CARNS1: variants seen among roughly 807,000 people sequenced by gnomAD.
CARNS1 encodes carnosine synthase 1.
CARNS1 carries 61 observed loss-of-function variants against 74.0 expected under a neutral mutation model. The ratio of observed to expected loss-of-function variants is 0.82; its 90% CI spans 0.67 to 1.02. The LOEUF is 1.02. CARNS1 is among the 50% of genes least tolerant of loss of function. The probability of loss-of-function intolerance (pLI) is 0.00; values close to 1 mark genes in which losing one functional copy is unlikely to be tolerated. For synonymous variants in CARNS1, 568 were observed against 605.5 expected, an observed-to-expected ratio of 0.94 and a Z score of 0.91; for missense variants, 1,278 against 1,308.4, an observed-to-expected ratio of 0.98 and a Z score of 0.36.
At position 67,423,344 on chromosome 11, in the gene CARNS1, C is replaced by T. The variant is rs369564307; in HGVS notation, c.1627-31C>T. On this transcript the variant is annotated intron_variant, in intron 9 of 9. Transcript: ENST00000687366. The surrounding 1 kb of genome is among the most constrained non-coding windows in gnomAD (Gnocchi z 5.1). ...CCCCTAGCACCCAGTACTAGCTGAC[C>T]TGGATATGCCCCACCCTGTGGCTTC... 19 of 1,575,950 alleles carry T rather than the reference C, an allele frequency of 1.2e-5. No individual in the cohort carries two copies. Among genetic ancestry groups the T allele is most frequent in the Non-Finnish European group, 1.6e-5 (19 of 1,157,422 alleles).
Position 67,420,695 on chromosome 11 carries a change from C to A in CARNS1, c.1200C>A (p.Cys400Ter), listed in dbSNP as rs1590960172. The change falls in exon 8 of 10, where the codon TGC (cysteine) becomes TGA (stop). Residue 400 changes from cysteine (C) to a stop codon, truncating the protein, a stop_gained. Coordinates refer to ENST00000687366, the MANE Select transcript of CARNS1 (RefSeq NM_001166222.2). LOFTEE classifies it high-confidence loss of function. Reference protein sequence around the residue: ...PRTLEVALAQCGLGEEAQVAA... With the variant: ...PRTLEVALAQ ...CGCTGGAGGTGGCGCTGGCCCAGTG[C>A]GGCCTGGGCGAGGAGGCGCAGGTGG... The A allele has an allele frequency of 7.9e-7, 1 of 1,265,686 alleles. No individual in the cohort carries two copies. 78.4% of individuals were successfully genotyped at this position (1,265,686 alleles called of 1,614,324 possible). A position where few individuals can be genotyped will look rare whatever the true frequency, so the allele number is the denominator to read the frequency against.
In CARNS1 at chr11:67,417,496, C is replaced by T; in HGVS notation, c.93C>T (p.Gly31=). 1 of 1,445,056 alleles carries T rather than the reference C, an allele frequency of 6.9e-7. No homozygotes were observed. The highest frequency in any genetic ancestry group is 9.1e-7 in the Non-Finnish European group (1 of 1,102,142). The allele number at this position is 1,445,056 out of a possible 1,614,324, so 89.5% of individuals were successfully genotyped here. ...EEEGPWGGGS[G]LPPTGCFPGS... ...AGGGCCCCTGGGGAGGGGGCTCTGGCCTGCCGCCCACAGGCTGCTTCCCTG... is the reference window on the plus strand; with the variant it reads ...AGGGCCCCTGGGGAGGGGGCTCTGGTCTGCCGCCCACAGGCTGCTTCCCTG... Residue 31 remains glycine (G), a synonymous_variant, in exon 3 of 10, where the codon GGC becomes GGT. Transcript: ENST00000687366.
At chr11:67,420,115 C>T (rs35876769) in intron 7 of CARNS1, among the ~76,000 whole-genome samples, 7,002 of 152,264 alleles carry the variant, frequency 0.046, 212 homozygotes, top group East Asian at 0.11. Context: ...TCCCAGAGAG[C>T]TCTTGCCCAC....
In CARNS1 at chr11:67,417,651, A is replaced by G. The variant is rs1466969968; in HGVS notation, c.248A>G (p.Gln83Arg). ...CLQQAGLPET[Q>R]DRGQVPRTGC... Reference sequence around the variant, plus strand: ...CAGCAAGCTGGCCTTCCGGAGACTCAGGACCGCGGCCAGGTGCCCCGCACA... The same window carrying G: ...CAGCAAGCTGGCCTTCCGGAGACTCGGGACCGCGGCCAGGTGCCCCGCACA... The change falls in exon 3 of 10, where the codon CAG (glutamine) becomes CGG (arginine). Residue 83 changes from glutamine (Q) to arginine (R), a missense_variant. Transcript: ENST00000687366. The G allele has an allele frequency of 1.5e-5, 19 of 1,268,334 alleles. No homozygotes were observed. The highest frequency in any genetic ancestry group is 1.9e-5 in the Non-Finnish European group (19 of 1,005,256). The allele number at this position is 1,268,334 out of a possible 1,614,324, so 78.6% of individuals were successfully genotyped here.
At position 67,420,594 on chromosome 11, in the gene CARNS1, T is replaced by A. The variant is rs1863668591; in HGVS notation, c.1114-15T>A. 11 of 1,233,148 alleles carry A rather than the reference T, an allele frequency of 8.9e-6. No individual in the cohort carries two copies. In the Admixed American group the frequency reaches 2.1e-4, roughly 24 times the overall value. 76.4% of individuals were successfully genotyped at this position (1,233,148 alleles called of 1,614,324 possible). ...GGGAGTGTGTGGGCCTCCCCCTGAGTCTCCCCCTGCCCAGGTGGTGTGCGG... is the reference window on the plus strand; with the variant it reads ...GGGAGTGTGTGGGCCTCCCCCTGAGACTCCCCCTGCCCAGGTGGTGTGCGG... On this transcript the variant is annotated splice_polypyrimidine_tract_variant and intron_variant, in intron 7 of 9. Transcript: ENST00000687366.
In CARNS1 at chr11:67,419,364, C is replaced by CATCTCTGGGGCAATCCCCTGCCCT. The variant is rs1310115308; in HGVS notation, c.852+122_853-99dup. The stretch of plus-strand genomic sequence containing the variant: ...TCTTAGCCCTGCCGCTGCCCTGCCC[C>CATCTCTGGGGCAATCCCCTGCCCT]ATCTCTGGGGCAATCCCCTGCCCTT... On this transcript the variant is annotated intron_variant, in intron 5 of 9. Transcript: ENST00000687366. The CATCTCTGGGGCAATCCCCTGCCCT allele has an allele frequency of 4.0e-6, 6 of 1,484,192 alleles. No homozygotes were observed. In the African/African-American group the frequency reaches 7.0e-5, roughly 17 times the overall value. 91.9% of individuals were successfully genotyped at this position (1,484,192 alleles called of 1,614,324 possible).
chr11:67,416,637 G>A (rs1000435369), intron 2 of CARNS1: 14 of 1,002,862 alleles, frequency 1.4e-5, no homozygotes, highest in Non-Finnish European at 1.2e-5. Flanking sequence ...ACTTGCTCAA[G>A]GTGGCCGAGC....
In CARNS1 at chr11:67,424,882, CA is replaced by C; in HGVS notation, c.*282del. ...ATGGCCACACACACACACACACACACACACACACACCTCTGACGCCAGCTCC... is the reference window on the plus strand; with the variant it reads ...ATGGCCACACACACACACACACACACCACACACACCTCTGACGCCAGCTCC... On this transcript the variant is annotated 3_prime_UTR_variant, in exon 10 of 10. Transcript: ENST00000687366. The C allele has an allele frequency of 4.7e-6, 3 of 636,436 alleles. No individual in the cohort carries two copies. The highest frequency in any genetic ancestry group is 1.8e-5 in the African/African-American group (1 of 55,540). The allele number at this position is 636,436 out of a possible 1,614,324, so 39.4% of individuals were successfully genotyped here. A position where few individuals can be genotyped will look rare whatever the true frequency, so the allele number is the denominator to read the frequency against.
rs1226066173 is a variant in CARNS1, at chr11:67,425,156, G to A, written c.*555G>A. On this transcript the variant is annotated 3_prime_UTR_variant, in exon 10 of 10. Coordinates refer to ENST00000687366, the MANE Select transcript of CARNS1 (RefSeq NM_001166222.2). Reference sequence around the variant, plus strand: ...GACCGGTAGAGGCAGGTGGCCTGTGGACAGAAGTAATCCTCTTTCTGCTCA... The same window carrying A: ...GACCGGTAGAGGCAGGTGGCCTGTGAACAGAAGTAATCCTCTTTCTGCTCA... 2.2e-6 allele frequency: 1 copy of A among 447,730 alleles called. No individual in the cohort carries two copies. The highest frequency in any genetic ancestry group is 4.5e-6 in the Non-Finnish European group (1 of 221,886). The allele number at this position is 447,730 out of a possible 1,614,324, so 27.7% of individuals were successfully genotyped here.
chr11:67,419,707 T>C, intron 6 of CARNS1, 46 bp downstream of exon 6: 1 of 1,589,350 alleles, frequency 6.3e-7, no homozygotes, highest in East Asian at 2.3e-5. Context: ...TGGTGTGGCC[T>C]TCTGGCCACT....
At position 67,423,224 on chromosome 11, in the gene CARNS1, C is replaced by G; in HGVS notation, c.1627-151C>G. 2 of 802,988 alleles carry G rather than the reference C, an allele frequency of 2.5e-6. No homozygotes were observed. The highest frequency in any genetic ancestry group is 3.9e-6 in the Non-Finnish European group (2 of 515,928). The allele number at this position is 802,988 out of a possible 1,614,324, so 49.7% of individuals were successfully genotyped here. On this transcript the variant is annotated intron_variant, in intron 9 of 9. Transcript: ENST00000687366. This position sits in a 1 kb window ranked among gnomAD's most constrained non-coding sequence, Gnocchi z 5.1. ...TCAGGTGTCCCACTTCTGCCCCTTCCATTTATTCAGTCAATCCACAACACA... is the reference window on the plus strand; with the variant it reads ...TCAGGTGTCCCACTTCTGCCCCTTCGATTTATTCAGTCAATCCACAACACA...
At position 67,424,288 on chromosome 11, in the gene CARNS1, C is replaced by G. The variant is rs1863779149; in HGVS notation, c.2540C>G (p.Pro847Arg). The part of the protein sequence containing the change: ...AAVMVACGLR[P>R]ALPTRPRARG... ...GTTATGGTGGCCTGTGGCTTGCGTC[C>G]TGCCCTGCCCACCCGCCCACGTGCT... Residue 847 changes from proline (P) to arginine (R), a missense_variant, in exon 10 of 10, where the codon CCT becomes CGT. Coordinates refer to ENST00000687366, the MANE Select transcript of CARNS1 (RefSeq NM_001166222.2). 4 of 1,612,632 alleles carry G rather than the reference C, an allele frequency of 2.5e-6. No homozygotes were observed. The highest frequency in any genetic ancestry group is 3.4e-6 in the Non-Finnish European group (4 of 1,179,730).
Position 67,420,770 on chromosome 11 carries a change from C to T in CARNS1, c.1275C>T (p.Ala425=). The change falls in exon 8 of 10, where the codon GCC becomes GCT. Residue 425 remains alanine, a synonymous_variant. Coordinates refer to ENST00000687366, the MANE Select transcript of CARNS1 (RefSeq NM_001166222.2). The part of the protein sequence containing the change: ...VKAAAEAALA[A]VLALEAGLSA... ...CGGCGGCCGAGGCCGCGCTGGCCGC[C>T]GTGCTGGCTCTGGAGGCCGGCCTGA... The T allele has an allele frequency of 8.1e-7, 1 of 1,239,818 alleles. No individual in the cohort carries two copies. The highest frequency in any genetic ancestry group is 1.0e-6 in the Non-Finnish European group (1 of 994,710). 76.8% of individuals were successfully genotyped at this position (1,239,818 alleles called of 1,614,324 possible).
In CARNS1 at chr11:67,423,734, G is replaced by T; in HGVS notation, c.1986G>T (p.Glu662Asp). 6.3e-7 allele frequency: 1 copy of T among 1,580,022 alleles called. No individual in the cohort carries two copies. Residue 662 changes from glutamate (E) to aspartate (D), a missense_variant, in exon 10 of 10, where the codon GAG (glutamate) becomes GAT (aspartate). Glu to Asp is a conservative substitution (Grantham distance 45). Transcript: ENST00000687366. The surrounding 1 kb of genome is among the most constrained non-coding windows in gnomAD (Gnocchi z 5.1). ...CCPLESEADV[E>D]RAVHQVPLPG... ...CACTGGAGAGTGAGGCTGATGTGGA[G>T]AGGGCCGTGCACCAGGTACCCCTGC...
In CARNS1 at chr11:67,423,372, C is replaced by T; in HGVS notation, c.1627-3C>T. 1.3e-6 allele frequency: 2 copies of T among 1,594,902 alleles called. No individual in the cohort carries two copies. The highest frequency in any genetic ancestry group is 1.1e-5 in the South Asian group (1 of 87,968). On this transcript the variant is annotated splice_region_variant and splice_polypyrimidine_tract_variant and intron_variant, in intron 9 of 9. Transcript: ENST00000687366. This position sits in a 1 kb window ranked among gnomAD's most constrained non-coding sequence, Gnocchi z 5.1. Reference sequence around the variant, plus strand: ...GATATGCCCCACCCTGTGGCTTCTGCAGCTGCACCTCGTGGAGTCAGACCC... The same window carrying T: ...GATATGCCCCACCCTGTGGCTTCTGTAGCTGCACCTCGTGGAGTCAGACCC...
chr11:67,422,584 C>G (rs1457847620), intron 9 of CARNS1, among the ~76,000 whole-genome samples: 1 of 152,184 alleles, frequency 6.6e-6, no homozygotes, highest in Non-Finnish European at 1.5e-5. Context: ...GCTTCGGCCT[C>G]CCAAAGTGCT....
At position 67,424,339 on chromosome 11, in the gene CARNS1, GC is replaced by G; in HGVS notation, c.2593del (p.Val866CysfsTer8). ...RARGHLVGVM[C>X]LVSQHLQALS... ...CGTGGCCATCTGGTGGGCGTCATGT[GC>G]CTTGTGTCCCAGCACCTGCAGGCCC... On this transcript the variant is annotated frameshift_variant, in exon 10 of 10. Coordinates refer to ENST00000687366, the MANE Select transcript of CARNS1 (RefSeq NM_001166222.2). LOFTEE classifies it high-confidence loss of function. 6.2e-7 allele frequency: 1 copy of G among 1,608,946 alleles called. No individual in the cohort carries two copies. Among genetic ancestry groups the G allele is most frequent in the African/African-American group, 1.3e-5 (1 of 74,996 alleles).
At chr11:67,418,251 A>G (rs1863599154) in intron 3 of CARNS1, among the ~76,000 whole-genome samples, 180 bp from the exon 4 acceptor site, 1 of 152,124 alleles carries the variant, frequency 6.6e-6, no homozygotes, top group Non-Finnish European at 1.5e-5. Context: ...GAAAGGGGAA[A>G]CCAGCTTCAC....
intron 2 of CARNS1, chr11:67,416,780 A>C: frequency 4.1e-6 from 4 of 986,256 alleles, no homozygotes; most frequent in Non-Finnish European, 4.8e-6. Flanking sequence ...GAGGGGAGGG[A>C]CGTTAGGTTT....
Sources: gnomAD v4.1 joint callset for allele counts (sites outside exome capture counted in the v4.1 genomes callset) on GRCh38, gnomAD v4.1.1 for gene constraint, Gnocchi (gnomAD v3.1) non-coding constraint, MANE v1.5 for transcripts, NCBI Gene and HGNC (gene_info 2026-07-23, HGNC 2026-07-21) for gene names.